MYO15A: variants seen among roughly 807,000 people sequenced by gnomAD.
MYO15A encodes unconventional myosin-XV.
A neutral mutation model predicts 394.6 loss-of-function variants in MYO15A; 308 were observed. That is an observed-to-expected ratio of 0.78 (90% CI 0.71 to 0.86). The LOEUF is 0.86. Ranked by LOEUF, MYO15A falls within the 40% of genes least tolerant of loss-of-function variation. The pLI, the probability that MYO15A is intolerant of heterozygous loss-of-function variation, is 0.00. For synonymous variants in MYO15A, 1,957 were observed against 2,003.8 expected (o/e 0.98, Z 0.62); for missense variants, 4,606 against 4,799.1 (o/e 0.96, Z 1.19).
At chr17:18,124,201 T>C in intron 2 of MYO15A, 2 of 488,802 alleles carry the variant, frequency 4.1e-6, no homozygotes, top group South Asian at 4.2e-5. Context: ...CATGCGCCCA[T>C]GTACCTGCAT....
In MYO15A at chr17:18,159,313, C is replaced by T; in HGVS notation, c.9195C>T (p.Ser3065=). Residue 3065 remains serine (S), a synonymous_variant, in exon 54 of 66, where the codon AGC becomes AGT. Coordinates refer to ENST00000647165, the MANE Select transcript of MYO15A (RefSeq NM_016239.4). ...AATCCCTCATCGAACTCAGCGACAGCAGCCTCAGCAAGATGGCCACCGACA... is the reference window on the plus strand; with the variant it reads ...AATCCCTCATCGAACTCAGCGACAGTAGCCTCAGCAAGATGGCCACCGACA... ...LQESLIELSD[S]SLSKMATDMF... is the part of the protein sequence containing the mutation. 1.2e-6 allele frequency: 2 copies of T among 1,614,214 alleles called. No homozygotes were observed. The highest frequency in any genetic ancestry group is 1.7e-6 in the Non-Finnish European group (2 of 1,180,040).
At position 18,163,253 on chromosome 17, in the gene MYO15A, A is replaced by C; in HGVS notation, c.9622A>C (p.Ser3208Arg). The change falls in exon 59 of 66, where the codon AGT (serine) becomes CGT (arginine). Residue 3208 changes from serine to arginine, a missense_variant. Ser to Arg is a moderately radical substitution (Grantham distance 110). Around this residue, in one of 2 missense-constraint regions of MYO15A, gnomAD observed 2,776 missense variants for 3,109.3 expected, o/e 0.89. Coordinates refer to ENST00000647165, the MANE Select transcript of MYO15A (RefSeq NM_016239.4). ...IELRAMLAGR[S>R]SKRQLFLLPG... ...CACCTATCTACCCCAGGCAGGCCGC[A>C]GTTCCAAGAGGCAACTCTTTCTTCT... 1.9e-6 allele frequency: 3 copies of C among 1,614,188 alleles called. No individual in the cohort carries two copies. The highest frequency in any genetic ancestry group is 2.5e-6 in the Non-Finnish European group (3 of 1,180,014).
chr17:18,120,599 C>G lies in MYO15A; in HGVS notation c.1799C>G (p.Pro600Arg), dbSNP rs1323013259. 1 of 1,598,500 alleles carries G rather than the reference C, an allele frequency of 6.3e-7. No individual in the cohort carries two copies. Among genetic ancestry groups the G allele is most frequent in the African/African-American group, 1.3e-5 (1 of 74,796 alleles). ...AGCCAGAAGGCCCGGGCGGGCGGCCCTGCTGTCAGGGAGGCGGCCTACAAA... is the reference window on the plus strand; with the variant it reads ...AGCCAGAAGGCCCGGGCGGGCGGCCGTGCTGTCAGGGAGGCGGCCTACAAA... ...RGSQKARAGG[P>R]AVREAAYKRF... The change falls in exon 2 of 66, where the codon CCT becomes CGT. Residue 600 changes from proline to arginine, a missense_variant. Physicochemically the swap from Pro to Arg is moderately radical, Grantham distance 103. Coordinates refer to ENST00000647165, the MANE Select transcript of MYO15A (RefSeq NM_016239.4).
chr17:18,173,900 C>T lies in MYO15A; in HGVS notation c.10470C>T (p.Thr3490=). The T allele has an allele frequency of 6.2e-7, 1 of 1,613,486 alleles. No individual in the cohort carries two copies. Among genetic ancestry groups the T allele is most frequent in the Non-Finnish European group, 8.5e-7 (1 of 1,179,970 alleles). Residue 3490 remains threonine (T), a synonymous_variant, in exon 65 of 66, where the codon ACC becomes ACT. Transcript: ENST00000647165. ...IALGDVAAQR[T]LQLQLEQGLE... ...TGGGGGACGTGGCGGCCCAGCGCAC[C>T]TTGCAGCTGCAGCTGGAGCAGGTGG...
At chr17:18,173,435 GA>G (rs1274886578) in intron 64 of MYO15A, among the ~76,000 whole-genome samples, 3 of 152,098 alleles carry the variant, frequency 2.0e-5, no homozygotes, top group Non-Finnish European at 4.4e-5. Context: ...CCACAAAAAG[GA>G]AATTTAAAAA....
In MYO15A at chr17:18,120,828, C is replaced by G; in HGVS notation, c.2028C>G (p.Pro676=). ...GGCCCCCAAGCTCCGGGCCCCCGCC[C>G]GCGCCGCCGCTCTCCCCGGCGCTCT... ...PPRPPSSGPP[P]APPLSPALSG... The change falls in exon 2 of 66, where the codon CCC becomes CCG. Residue 676 remains proline, a synonymous_variant. Transcript: ENST00000647165. 1 of 1,173,224 alleles carries G rather than the reference C, an allele frequency of 8.5e-7. No individual in the cohort carries two copies. The highest frequency in any genetic ancestry group is 1.1e-6 in the Non-Finnish European group (1 of 950,440). 72.7% of individuals were successfully genotyped at this position (1,173,224 alleles called of 1,614,324 possible). A position where few individuals can be genotyped will look rare whatever the true frequency, so the allele number is the denominator to read the frequency against.
chr17:18,145,640 G>C (rs924169164), intron 29 of MYO15A, among the ~76,000 whole-genome samples: 1 of 152,140 alleles, frequency 6.6e-6, no homozygotes, highest in Non-Finnish European at 1.5e-5. Context: ...CTTAGGCCCG[G>C]GGAAGTTGAG....
Position 18,121,010 on chromosome 17 carries a change from C to A in MYO15A, c.2210C>A (p.Ala737Asp), listed in dbSNP as rs2045914525. 1 of 1,509,394 alleles carries A rather than the reference C, an allele frequency of 6.6e-7. No homozygotes were observed. Among genetic ancestry groups the A allele is most frequent in the Non-Finnish European group, 8.8e-7 (1 of 1,133,876 alleles). The allele number at this position is 1,509,394 out of a possible 1,614,324, so 93.5% of individuals were successfully genotyped here. A position where few individuals can be genotyped will look rare whatever the true frequency, so the allele number is the denominator to read the frequency against. ...VSPEVPPDLL[A>D]FPGPRPSFRG... The stretch of plus-strand genomic sequence containing the variant: ...CCGGAGGTGCCCCCCGACCTACTAG[C>A]CTTCCCAGGGCCCCGACCCTCGTTC... The change falls in exon 2 of 66, where the codon GCC becomes GAC. Residue 737 changes from alanine to aspartate, a missense_variant. Ala to Asp is a moderately radical substitution (Grantham distance 126). Transcript: ENST00000647165. The surrounding 1 kb of genome is among the most constrained non-coding windows in gnomAD (Gnocchi z 5.3).
At position 18,157,739 on chromosome 17, in the gene MYO15A, A is replaced by G. The variant is rs1270854228; in HGVS notation, c.8806A>G (p.Ile2936Val). The G allele has an allele frequency of 6.2e-7, 1 of 1,606,402 alleles. No homozygotes were observed. The highest frequency in any genetic ancestry group is 8.5e-7 in the Non-Finnish European group (1 of 1,179,856). Reference protein sequence around the residue: ...GPDFGWRFGTIHGRVGRFPSE... With the variant: ...GPDFGWRFGTVHGRVGRFPSE... ...ACCCCTAGGCTGGAGGTTCGGGACC[A>G]TCCACGGGCGCGTGGGCCGCTTCCC... Residue 2936 changes from isoleucine (I) to valine (V), a missense_variant, in exon 51 of 66, where the codon ATC becomes GTC. This residue lies in a region of MYO15A where 2,776 missense variants were observed against 3,109.3 expected (regional missense o/e 0.89). Coordinates refer to ENST00000647165, the MANE Select transcript of MYO15A (RefSeq NM_016239.4).
Position 18,120,048 on chromosome 17 carries a change from G to A in MYO15A, c.1248G>A (p.Pro416=), listed in dbSNP as rs770544183. The change falls in exon 2 of 66, where the codon CCG becomes CCA. Residue 416 remains proline, a synonymous_variant. Coordinates refer to ENST00000647165, the MANE Select transcript of MYO15A (RefSeq NM_016239.4). ...ASAFVYPWVP[P]PIPSPHNPYA... is the part of the protein sequence containing the mutation. ...CCTTTGTGTACCCCTGGGTACCACCGCCCATCCCGTCGCCCCACAACCCGT... is the reference window on the plus strand; with the variant it reads ...CCTTTGTGTACCCCTGGGTACCACCACCCATCCCGTCGCCCCACAACCCGT... 6.8e-6 allele frequency: 11 copies of A among 1,613,348 alleles called. No individual in the cohort carries two copies. In the South Asian group the frequency reaches 1.1e-4, roughly 16 times the overall value.
At chr17:18,169,881 C>T (rs952653737) in intron 62 of MYO15A, among the ~76,000 whole-genome samples, 2 of 145,674 alleles carry the variant, frequency 1.4e-5, no homozygotes, top group African/African-American at 5.2e-5. Flanking sequence ...GGGAGGATCA[C>T]TTGAGCCTGG....
chr17:18,136,357 G>T lies in MYO15A; in HGVS notation c.4597-60G>T, dbSNP rs1241544379. On this transcript the variant is annotated intron_variant, in intron 13 of 65. Coordinates refer to ENST00000647165, the MANE Select transcript of MYO15A (RefSeq NM_016239.4). Reference sequence around the variant, plus strand: ...TGATCCCACTCCCTTAGTCCCCTGGGGGCTTTCCGGAGGCAGAGTGGCCAG... The same window carrying T: ...TGATCCCACTCCCTTAGTCCCCTGGTGGCTTTCCGGAGGCAGAGTGGCCAG... The T allele has an allele frequency of 4.0e-5, 64 of 1,601,744 alleles. 1 individual carries two copies. The highest frequency in any genetic ancestry group is 5.3e-5 in the Non-Finnish European group (62 of 1,170,920).
At position 18,117,295 on chromosome 17, in the gene MYO15A, G is replaced by A. The variant is rs2045803343; in HGVS notation, c.-219-1287G>A. ...AGGGGGAAGAGGCAGACAGAGAGGG[G>A]GAGACCTCACTTGCTGCATGGTCCC... On this transcript the variant is annotated intron_variant, in intron 1 of 65. Transcript: ENST00000647165. This position sits in a 1 kb window ranked among gnomAD's most constrained non-coding sequence, Gnocchi z 4.1. Among the ~76,000 whole-genome samples the A allele has an allele frequency of 6.6e-6, 1 of 152,192 alleles. No homozygotes were observed. Among genetic ancestry groups the A allele is most frequent in the Non-Finnish European group, 1.5e-5 (1 of 68,030 alleles).
At chr17:18,136,269 A>G in intron 13 of MYO15A, 148 bp from the exon 14 acceptor site, 1 of 950,526 alleles carries the variant, frequency 1.1e-6, no homozygotes, top group Non-Finnish European at 1.6e-6. Context: ...GAGTGGGGGC[A>G]GGGGTGGTCC....
At chr17:18,169,263 A>G (rs530389644) in intron 62 of MYO15A, among the ~76,000 whole-genome samples, 58 of 151,916 alleles carry the variant, frequency 3.8e-4, no homozygotes, top group Admixed American at 7.2e-4. Context: ...CCTGGCCAAC[A>G]TGGCGAAACC....
chr17:18,146,196 G>A lies in MYO15A; in HGVS notation c.6509+89G>A, dbSNP rs1001727377. 1.0e-5 allele frequency: 14 copies of A among 1,346,924 alleles called. No individual in the cohort carries two copies. In the East Asian group the frequency reaches 3.0e-4, roughly 29 times the overall value. The allele number at this position is 1,346,924 out of a possible 1,614,324, so 83.4% of individuals were successfully genotyped here. Reference sequence around the variant, plus strand: ...CAGGGTCTTAAAGGTCAGGCCAGGAGTCAGATCTCTATGCTGGGAAGCTCA... The same window carrying A: ...CAGGGTCTTAAAGGTCAGGCCAGGAATCAGATCTCTATGCTGGGAAGCTCA... On this transcript the variant is annotated intron_variant, in intron 30 of 65. Transcript: ENST00000647165.
Position 18,137,689 on chromosome 17 carries a change from C to T in MYO15A, c.4875+10C>T. On this transcript the variant is annotated intron_variant, in intron 16 of 65. Coordinates refer to ENST00000647165, the MANE Select transcript of MYO15A (RefSeq NM_016239.4). The stretch of plus-strand genomic sequence containing the variant: ...CTTCCAGGAGGAGCAGGTGTGTGGG[C>T]CCCATTAATACTCCTGTCCCTGTCT... 1.2e-6 allele frequency: 2 copies of T among 1,613,128 alleles called. No individual in the cohort carries two copies. Among genetic ancestry groups the T allele is most frequent in the East Asian group, 4.5e-5 (2 of 44,876 alleles).
chr17:18,139,054 G>T (rs1437931911), intron 18 of MYO15A, 118 bp downstream of exon 18: 9 of 1,446,466 alleles, frequency 6.2e-6, no homozygotes, highest in Non-Finnish European at 7.5e-6. Context: ...TGGCTCTGCT[G>T]TGCCCCAGCT....
intron 2 of MYO15A, chr17:18,123,828 C>G (rs1008136): frequency 0.43 from 67,025 of 156,456 alleles, 15,547 homozygotes; most frequent in East Asian, 0.74. Flanking sequence ...AGACCCCCAG[C>G]ATAGGGAGGG....
Sources: gnomAD v4.1 joint callset for allele counts (sites outside exome capture counted in the v4.1 genomes callset) on GRCh38, gnomAD v4.1.1 for gene constraint, gnomAD v4.1.1 regional missense constraint, Gnocchi (gnomAD v3.1) non-coding constraint, MANE v1.5 for transcripts, NCBI Gene and HGNC (gene_info 2026-07-23, HGNC 2026-07-21) for gene names.